Variants in ZBTB20 observed in about 807,000 individuals in gnomAD.
The protein encoded by ZBTB20 is zinc finger and BTB domain containing 20.
In ZBTB20, 9 loss-of-function variants were observed where a neutral mutation model predicts 56.9. The observed-to-expected ratio is 0.16, with a 90% confidence interval of 0.10 to 0.28. The LOEUF (loss-of-function observed/expected upper bound fraction) is 0.28, where lower values mean the gene tolerates loss of function less well. ZBTB20 is among the 10% of genes least tolerant of loss of function. ZBTB20 has a pLI of 1.00. For missense variants in ZBTB20, 655 were observed against 1,003.0 expected, an observed-to-expected ratio of 0.65 and a Z score of 4.69; for synonymous variants, 417 against 420.7, an observed-to-expected ratio of 0.99 and a Z score of 0.11.
At chr3:114,754,847 T>C (rs542625894) in intron 5 of ZBTB20, among the ~76,000 whole-genome samples, 1 of 152,232 alleles carries the variant, frequency 6.6e-6, no homozygotes, top group African/African-American at 2.4e-5. Flanking sequence ...TCACATATTA[T>C]TGAGTATGTA....
At chr3:114,387,761 T>G (rs2085331362) in intron 8 of ZBTB20, 1 of 152,238 alleles carries the variant, frequency 6.6e-6, no homozygotes, top group Admixed American at 6.5e-5. Flanking sequence ...TAAGGATGAA[T>G]GAAGGTATAT....
chr3:114,926,340 T>C lies in ZBTB20; in HGVS notation c.-455-25998A>G, dbSNP rs77290715. On this transcript the variant is annotated intron_variant, in intron 3 of 11. Transcript: ENST00000675478. ...AGTCTTATCCATTCTCCAAAACCTT[T>C]ACAGAGTTGTATTGTGTTTTGTTAT... Among the ~76,000 whole-genome samples the C allele has an allele frequency of 4.8e-3, 738 of 152,344 alleles. 10 individuals carry two copies. Among genetic ancestry groups the C allele is most frequent in the African/African-American group, 0.017 (696 of 41,582 alleles).
chr3:114,741,756 C>A (rs1316351089), intron 5 of ZBTB20, among the ~76,000 whole-genome samples: 1 of 151,236 alleles, frequency 6.6e-6, no homozygotes, highest in Non-Finnish European at 1.5e-5. Flanking sequence ...GTGGTGGGCA[C>A]CTGTAATCCC....
chr3:115,095,326 T>C (rs758380796), intron 1 of ZBTB20, among the ~76,000 whole-genome samples: 44 of 152,246 alleles, frequency 2.9e-4, no homozygotes, highest in Admixed American at 9.2e-4. Flanking sequence ...AAAGGTTGCA[T>C]TGGTTAACTG....
chr3:114,341,211 A>C (rs895386111), intron 11 of ZBTB20, among the ~76,000 whole-genome samples: 14 of 152,222 alleles, frequency 9.2e-5, no homozygotes, highest in African/African-American at 3.4e-4. Context: ...CTCATTGCTA[A>C]TAATCTCAAT....
At chr3:114,697,224 A>G (rs2063095649) in intron 5 of ZBTB20, among the ~76,000 whole-genome samples, 1 of 151,938 alleles carries the variant, frequency 6.6e-6, no homozygotes, top group Non-Finnish European at 1.5e-5. Flanking sequence ...AAACACACAA[A>G]CACACACACA....
chr3:114,620,402 C>A (rs2058241511), intron 6 of ZBTB20, among the ~76,000 whole-genome samples: 1 of 152,080 alleles, frequency 6.6e-6, no homozygotes, highest in Admixed American at 6.6e-5. Flanking sequence ...TAGCGATTCT[C>A]CTGCCTCAGC....
At chr3:114,824,770 G>A (rs773113985) in intron 4 of ZBTB20, among the ~76,000 whole-genome samples, 31 of 151,764 alleles carry the variant, frequency 2.0e-4, no homozygotes, top group Non-Finnish European at 3.7e-4. Context: ...TATACTGCAA[G>A]AATAGCAATA....
intron 2 of ZBTB20, among the ~76,000 whole-genome samples, chr3:115,016,191 G>C (rs766391562): frequency 1.6e-4 from 25 of 151,942 alleles, no homozygotes; most frequent in African/African-American, 5.8e-4. Flanking sequence ...ATTTGTTTAA[G>C]TTCCTTGTAG....
At chr3:115,010,786 C>T (rs936607522) in intron 2 of ZBTB20, among the ~76,000 whole-genome samples, 5 of 151,852 alleles carry the variant, frequency 3.3e-5, no homozygotes, top group Admixed American at 2.0e-4. Flanking sequence ...ATGACATCCC[C>T]GTATGAACTA....
intron 5 of ZBTB20, among the ~76,000 whole-genome samples, chr3:114,703,977 T>A (rs2063557015): frequency 6.6e-6 from 1 of 152,242 alleles, no homozygotes; most frequent in South Asian, 2.1e-4. Flanking sequence ...TCTTATTTAT[T>A]TTTTGTTGTA....
At chr3:115,112,189 A>G (rs911344136) in intron 1 of ZBTB20, among the ~76,000 whole-genome samples, 7 of 151,284 alleles carry the variant, frequency 4.6e-5, no homozygotes, top group African/African-American at 1.2e-4. Context: ...TAAATGACAT[A>G]AAGTATTTAT....
chr3:114,697,044 G>A (rs1432328075), intron 5 of ZBTB20, among the ~76,000 whole-genome samples: 2 of 137,738 alleles, frequency 1.5e-5, no homozygotes, highest in Non-Finnish European at 3.0e-5. Context: ...AGACTTTGGA[G>A]TTTGAATGTA....
chr3:115,052,744 A>G (rs1278850401), intron 2 of ZBTB20, among the ~76,000 whole-genome samples: 1 of 152,170 alleles, frequency 6.6e-6, no homozygotes, highest in African/African-American at 2.4e-5. Flanking sequence ...TTTGAGGTAT[A>G]TCTAATTTTC....
chr3:114,775,774 G>A (rs1218753613), intron 5 of ZBTB20, among the ~76,000 whole-genome samples: 1 of 152,168 alleles, frequency 6.6e-6, no homozygotes, highest in African/African-American at 2.4e-5. Flanking sequence ...GTGACAGGGA[G>A]TTGACATTTG....
intron 1 of ZBTB20, among the ~76,000 whole-genome samples, chr3:115,118,052 T>C (rs1347043014): frequency 6.6e-6 from 1 of 152,204 alleles, no homozygotes; most frequent in Non-Finnish European, 1.5e-5. Context: ...AGTTTCCTCA[T>C]AGCAAAGAGA....
At chr3:114,359,337 TTTAC>T (rs1186140847) in intron 10 of ZBTB20, 2 of 152,162 alleles carry the variant, frequency 1.3e-5, no homozygotes, top group African/African-American at 2.4e-5. Flanking sequence ...ACTGTTGAAA[TTTAC>T]TTTACAGTAC....
intron 1 of ZBTB20, among the ~76,000 whole-genome samples, chr3:115,071,705 C>T (rs1383026973): frequency 1.3e-5 from 2 of 152,046 alleles, no homozygotes; most frequent in South Asian, 2.1e-4. Flanking sequence ...ACCATTAATC[C>T]AGCAGAGGAA....
At chr3:115,030,811 T>A (rs754222775) in intron 2 of ZBTB20, among the ~76,000 whole-genome samples, 71 of 151,290 alleles carry the variant, frequency 4.7e-4, no homozygotes, top group Non-Finnish European at 7.7e-4. Context: ...CCACAATTTA[T>A]CACTTAAAGT....
Sources: allele counts gnomAD v4.1 joint callset (sites outside exome capture counted in the v4.1 genomes callset), GRCh38; gene constraint gnomAD v4.1.1; transcripts MANE v1.5; gene names NCBI Gene and HGNC (gene_info 2026-07-23, HGNC 2026-07-21).